FLG: variants seen among roughly 807,000 people sequenced by gnomAD.
FLG encodes the protein epidermal filaggrin.
In FLG, 6 loss-of-function variants were observed where a neutral mutation model predicts 3.8. That is an observed-to-expected ratio of 1.60 (90% CI 0.87 to 3.15). The LOEUF is 3.15. FLG is among the 30% of genes most tolerant of loss of function. FLG has a pLI of 0.00. For missense variants in FLG, 7,595 were observed against 5,050.9 expected, an observed-to-expected ratio of 1.50 and a Z score of -15.27; for synonymous variants, 2,551 against 1,931.6, an observed-to-expected ratio of 1.32 and a Z score of -8.41.
intron 1 of FLG, among the ~76,000 whole-genome samples, chr1:152,318,827 C>T (rs1265444081): frequency 6.6e-6 from 1 of 151,640 alleles, no homozygotes; most frequent in Non-Finnish European, 1.5e-5. Flanking sequence ...AATAAACAAA[C>T]AATAAATTAA....
rs1055893727 is a variant in FLG at position 152,314,658 on chromosome 1, C to T, written c.228G>A (p.Leu76=). ...NKKIDFTEFL[L]MVFKLAQAYY... ...ATGCTTGAGCCAACTTGAATACCAT[C>T]AGAAGAAACTCAGTGAAGTCAATTT... The change falls in exon 3 of 3, where the codon CTG becomes CTA. Residue 76 remains leucine, a synonymous_variant. Transcript: ENST00000368799. 3.7e-6 allele frequency: 6 copies of T among 1,613,952 alleles called. No individual in the cohort carries two copies. The highest frequency in any genetic ancestry group is 1.3e-5 in the African/African-American group (1 of 74,908).
In FLG at chr1:152,311,028, C is replaced by G. The variant is rs367739212; in HGVS notation, c.3858G>C (p.Leu1286Phe). 5.0e-6 allele frequency: 8 copies of G among 1,613,944 alleles called. No homozygotes were observed. The highest frequency in any genetic ancestry group is 6.8e-6 in the Non-Finnish European group (8 of 1,179,992). ...SERHSDDSER[L>F]SGSASRNHHG... The stretch of plus-strand genomic sequence containing the variant: ...GATGGTTTCTGGAAGCAGACCCAGA[C>G]AACCTCTCGGAGTCGTCTGAGTGTC... The change falls in exon 3 of 3, where the codon TTG becomes TTC. Residue 1286 changes from leucine (L) to phenylalanine (F), a missense_variant. Transcript: ENST00000368799.
chr1:152,313,541 T>C lies in FLG; in HGVS notation c.1345A>G (p.Ser449Gly). The change falls in exon 3 of 3, where the codon AGC becomes GGC. Residue 449 changes from serine (S) to glycine (G), a missense_variant. By Grantham distance (56) the Ser-to-Gly change is moderately conservative. Coordinates refer to ENST00000368799, the MANE Select transcript of FLG (RefSeq NM_002016.2). ...GHGKAGLRQQSHQESTRGRSG... is the reference protein window; with the variant it reads ...GHGKAGLRQQGHQESTRGRSG... ...CGGCCACGTGTGGACTCTTGGTGGC[T>C]CTGCTGTCTCAGCCCAGCCTTTCCG... is the stretch of plus-strand genomic sequence containing the variant. 6.2e-7 allele frequency: 1 copy of C among 1,613,760 alleles called. No individual in the cohort carries two copies. Among genetic ancestry groups the C allele is most frequent in the Non-Finnish European group, 8.5e-7 (1 of 1,179,892 alleles).
Position 152,309,047 on chromosome 1 carries a change from A to T in FLG, c.5839T>A (p.Trp1947Arg), listed in dbSNP as rs80059102. 1.2e-6 allele frequency: 2 copies of T among 1,612,890 alleles called. No individual in the cohort carries two copies. The highest frequency in any genetic ancestry group is 8.5e-7 in the Non-Finnish European group (1 of 1,179,762). The part of the protein sequence containing the change: ...SASRNHLGSA[W>R]EQSRDGSRHP... ...CTGGAGCCATCTCTTGACTGCTCCC[A>T]AGCAGATCCAAGATGGTTTCTGGAA... Residue 1947 changes from tryptophan (W) to arginine (R), a missense_variant, in exon 3 of 3, where the codon TGG becomes AGG. Coordinates refer to ENST00000368799, the MANE Select transcript of FLG (RefSeq NM_002016.2).
At position 152,304,293 on chromosome 1, in the gene FLG, T is replaced by G; in HGVS notation, c.10593A>C (p.Thr3531=). The G allele has an allele frequency of 6.2e-7, 1 of 1,612,598 alleles. No individual in the cohort carries two copies. The highest frequency in any genetic ancestry group is 8.5e-7 in the Non-Finnish European group (1 of 1,179,196). ...SGQGQSAGPR[T]SRNQGSSVSQ... ...TAACACTGGATCCCTGGTTCCTGCT[T>G]GTCCTGGGCCCCGCTGATTGTCCCT... Residue 3531 remains threonine, a synonymous_variant, in exon 3 of 3, where the codon ACA becomes ACC. Coordinates refer to ENST00000368799, the MANE Select transcript of FLG (RefSeq NM_002016.2).
Position 152,313,310 on chromosome 1 carries a change from C to T in FLG, c.1576G>A (p.Gly526Arg), listed in dbSNP as rs548412745. ...TGCTCGTGGTGGGATCCCTGCCTTC[C>T]TCCTCTGCTTGACCCCGGGTGTCCA... ...IRGHPGSSRGGRQGSHHEQSV... is the reference protein window; with the variant it reads ...IRGHPGSSRGRRQGSHHEQSV... The change falls in exon 3 of 3, where the codon GGA becomes AGA. Residue 526 changes from glycine to arginine, a missense_variant. Coordinates refer to ENST00000368799, the MANE Select transcript of FLG (RefSeq NM_002016.2). 1.9e-6 allele frequency: 3 copies of T among 1,613,770 alleles called. No individual in the cohort carries two copies. The highest frequency in any genetic ancestry group is 2.7e-5 in the African/African-American group (2 of 74,856).
Position 152,314,668 on chromosome 1 carries a change from T to A in FLG, c.218A>T (p.Glu73Val). ...CAACTTGAATACCATCAGAAGAAAC[T>A]CAGTGAAGTCAATTTTCTTGTTGTG... ...IDHNKKIDFT[E>V]FLLMVFKLAQ... The change falls in exon 3 of 3, where the codon GAG becomes GTG. Residue 73 changes from glutamate to valine, a missense_variant. Physicochemically the swap from Glu to Val is moderately radical, Grantham distance 121. Coordinates refer to ENST00000368799, the MANE Select transcript of FLG (RefSeq NM_002016.2). 1.2e-6 allele frequency: 2 copies of A among 1,614,078 alleles called. No individual in the cohort carries two copies. The highest frequency in any genetic ancestry group is 1.7e-6 in the Non-Finnish European group (2 of 1,179,980).
rs141655789 is a variant in FLG, at chr1:152,304,682, G to A, written c.10204C>T (p.Arg3402Trp). The change falls in exon 3 of 3, where the codon CGG becomes TGG. Residue 3402 changes from arginine (R) to tryptophan (W), a missense_variant. Arg to Trp is a moderately radical substitution (Grantham distance 101, BLOSUM62 -3). Transcript: ENST00000368799. ...CTTCGTCCAGTGCTGGTCCTGGTCC[G>A]CCCATGGGCAGACTCAGACTGTTCA... ...THEQSESAHG[R>W]TRTSTGRRQG... The A allele has an allele frequency of 2.0e-4, 315 of 1,612,190 alleles. 3 individuals carry two copies. The highest frequency in any genetic ancestry group is 7.5e-4 in the African/African-American group (56 of 74,778).
rs374461110 is a variant in FLG at position 152,313,589 on chromosome 1, C to T, written c.1297G>A (p.Asp433Asn). The T allele has an allele frequency of 3.2e-5, 51 of 1,613,834 alleles. No individual in the cohort carries two copies. The highest frequency in any genetic ancestry group is 4.0e-5 in the Non-Finnish European group (47 of 1,179,962). ...SDSEGHSENS[D>N]TQSVSGHGKA... ...CCGTGGCCTGACACTGATTGTGTGTCTGAGTTTTCTGAATGTCCCTCACTG... is the reference window on the plus strand; with the variant it reads ...CCGTGGCCTGACACTGATTGTGTGTTTGAGTTTTCTGAATGTCCCTCACTG... Residue 433 changes from aspartate to asparagine, a missense_variant, in exon 3 of 3, where the codon GAC becomes AAC. Coordinates refer to ENST00000368799, the MANE Select transcript of FLG (RefSeq NM_002016.2).
Position 152,310,723 on chromosome 1 carries a change from C to T in FLG, c.4163G>A (p.Arg1388Gln), listed in dbSNP as rs368725307. The T allele has an allele frequency of 8.2e-5, 133 of 1,614,016 alleles. No individual in the cohort carries two copies. In the East Asian group the frequency reaches 1.4e-3, roughly 17 times the overall value. Residue 1388 changes from arginine (R) to glutamine (Q), a missense_variant, in exon 3 of 3, where the codon CGA (arginine) becomes CAA (glutamine). Arg to Gln is a conservative substitution (Grantham distance 43, BLOSUM62 1). Transcript: ENST00000368799. The part of the protein sequence containing the change: ...ASSAVRDSGH[R>Q]GSSGSQVTNS... The stretch of plus-strand genomic sequence containing the variant: ...AGTGACCTGACTACCACTGGACCCT[C>T]GGTGTCCACTGTCTCTGACTGCAGA...
In FLG at chr1:152,306,262, T is replaced by C; in HGVS notation, c.8624A>G (p.Gln2875Arg). 2 of 1,605,264 alleles carry C rather than the reference T, an allele frequency of 1.2e-6. No individual in the cohort carries two copies. The highest frequency in any genetic ancestry group is 8.5e-7 in the Non-Finnish European group (1 of 1,180,042). The change falls in exon 3 of 3, where the codon CAG becomes CGG. Residue 2875 changes from glutamine (Q) to arginine (R), a missense_variant. By Grantham distance (43) the Gln-to-Arg change is conservative (BLOSUM62 1). Transcript: ENST00000368799. The part of the protein sequence containing the change: ...ADISRHSQAV[Q>R]GQSEGSRRSR... Reference sequence around the variant, plus strand: ...TCTCCTGGACCCCTCTGATTGTCCCTGGACTGCCTGTGAGTGTCTAGAGAT... The same window carrying C: ...TCTCCTGGACCCCTCTGATTGTCCCCGGACTGCCTGTGAGTGTCTAGAGAT...
In FLG at chr1:152,313,513, G is replaced by C. The variant is rs1447548386; in HGVS notation, c.1373C>G (p.Ser458Ter). The change falls in exon 3 of 3, where the codon TCA (serine) becomes TGA (stop). Residue 458 changes from serine to a stop codon, truncating the protein, a stop_gained. Transcript: ENST00000368799. LOFTEE classifies it low-confidence loss of function (END_TRUNC). ...QSHQESTRGRSGERSGRSGSS... is the reference protein window; with the variant it reads ...QSHQESTRGR The stretch of plus-strand genomic sequence containing the variant: ...CCCTGAACGTCCAGACCGTTCCCCT[G>C]ACCGGCCACGTGTGGACTCTTGGTG... The C allele has an allele frequency of 1.2e-6, 2 of 1,613,920 alleles. No homozygotes were observed. Among genetic ancestry groups the C allele is most frequent in the Non-Finnish European group, 1.7e-6 (2 of 1,180,002 alleles).
chr1:152,302,797 G>C lies in FLG; in HGVS notation c.12089C>G (p.Thr4030Arg). 5 of 1,614,050 alleles carry C rather than the reference G, an allele frequency of 3.1e-6. No individual in the cohort carries two copies. Among genetic ancestry groups the C allele is most frequent in the Non-Finnish European group, 3.4e-6 (4 of 1,180,006 alleles). The stretch of plus-strand genomic sequence containing the variant: ...TAAACCTGGGTCCTTATTAATATAC[G>C]TTGCATAATACCTTGGATGATCTTT... ...FGKDHPRYYA[T>R]YINKDPGLCG... The change falls in exon 3 of 3, where the codon ACG becomes AGG. Residue 4030 changes from threonine (T) to arginine (R), a missense_variant. Transcript: ENST00000368799.
intron 1 of FLG, among the ~76,000 whole-genome samples, chr1:152,318,888 G>T (rs1256207189): frequency 6.6e-6 from 1 of 151,796 alleles, no homozygotes; most frequent in African/African-American, 2.4e-5. Context: ...AAATAAGAGT[G>T]CTATTATACA....
chr1:152,304,735 C>T lies in FLG; in HGVS notation c.10151G>A (p.Gly3384Glu), dbSNP rs751667348. ...DRSGGRSGRS[G>E]SFLYQVSTHE... is the part of the protein sequence containing the mutation. ...AGTGCTCACCTGGTAGAGGAAAGAC[C>T]CTGAACGTCCAGACCTTCCCCCTGA... The change falls in exon 3 of 3, where the codon GGG (glycine) becomes GAG (glutamate). Residue 3384 changes from glycine (G) to glutamate (E), a missense_variant. Coordinates refer to ENST00000368799, the MANE Select transcript of FLG (RefSeq NM_002016.2). The T allele has an allele frequency of 1.9e-5, 30 of 1,613,260 alleles. No individual in the cohort carries two copies. Among genetic ancestry groups the T allele is most frequent in the African/African-American group, 2.7e-5 (2 of 74,720 alleles).
rs1385307428 is a variant in FLG, at chr1:152,308,781, T to A, written c.6105A>T (p.Gly2035=). The A allele has an allele frequency of 1.2e-6, 2 of 1,614,164 alleles. No individual in the cohort carries two copies. Among genetic ancestry groups the A allele is most frequent in the South Asian group, 1.1e-5 (1 of 91,076 alleles). The change falls in exon 3 of 3, where the codon GGA becomes GGT. Residue 2035 remains glycine, a synonymous_variant. Transcript: ENST00000368799. Reference sequence around the variant, plus strand: ...CCTGACTACCACTGTACCCTCGGTGTCCACTGTCTCTGACTGCAGATGAAG... The same window carrying A: ...CCTGACTACCACTGTACCCTCGGTGACCACTGTCTCTGACTGCAGATGAAG... ...GQASSAVRDS[G]HRGYSGSQAS...
rs1419082158 is a variant in FLG, at chr1:152,305,333, C to A, written c.9553G>T (p.Ala3185Ser). The A allele has an allele frequency of 5.0e-6, 8 of 1,609,560 alleles. No individual in the cohort carries two copies. The highest frequency in any genetic ancestry group is 6.8e-6 in the Non-Finnish European group (8 of 1,178,930). The change falls in exon 3 of 3, where the codon GCT becomes TCT. Residue 3185 changes from alanine (A) to serine (S), a missense_variant. By Grantham distance (99) the Ala-to-Ser change is moderately conservative. Coordinates refer to ENST00000368799, the MANE Select transcript of FLG (RefSeq NM_002016.2). ...CTAGAGATGTCGGCATGAGTGGAAGCTTCATGGTGACGTGACACTGAGTGC... is the reference window on the plus strand; with the variant it reads ...CTAGAGATGTCGGCATGAGTGGAAGATTCATGGTGACGTGACACTGAGTGC... ...SRHSVSRHHE[A>S]STHADISRHS...
Position 152,303,774 on chromosome 1 carries a change from A to C in FLG, c.11112T>G (p.Ser3704=), listed in dbSNP as rs150535367. Residue 3704 remains serine (S), a synonymous_variant, in exon 3 of 3, where the codon TCT becomes TCG. Coordinates refer to ENST00000368799, the MANE Select transcript of FLG (RefSeq NM_002016.2). ...GGTAGAGGAAAGACCCTGAACGTCC[A>C]GACCTTCCTGCTGACCGGCCACGTG... ...ESTRGRSAGR[S]GRSGSFLYQV... The C allele has an allele frequency of 3.1e-6, 5 of 1,613,472 alleles. No homozygotes were observed. The African/African-American group carries it at 6.7e-5, about 22-fold the overall frequency.
In FLG at chr1:152,312,048, A is replaced by G; in HGVS notation, c.2838T>C (p.Val946=). 2 of 1,614,060 alleles carry G rather than the reference A, an allele frequency of 1.2e-6. No individual in the cohort carries two copies. Among genetic ancestry groups the G allele is most frequent in the Non-Finnish European group, 1.7e-6 (2 of 1,180,002 alleles). Residue 946 remains valine (V), a synonymous_variant, in exon 3 of 3, where the codon GTT becomes GTC. Transcript: ENST00000368799. ...SRTSRRQGSS[V]SQDSDSEGHS... ...GTCCCTCACTGTCACTGTCCTGGCTAACACTGGATCCCTGGCGCCTGCTTG... is the reference window on the plus strand; with the variant it reads ...GTCCCTCACTGTCACTGTCCTGGCTGACACTGGATCCCTGGCGCCTGCTTG...
Sources: allele counts gnomAD v4.1 joint callset (sites outside exome capture counted in the v4.1 genomes callset), GRCh38; gene constraint gnomAD v4.1.1; transcripts MANE v1.5; gene names NCBI Gene and HGNC (gene_info 2026-07-23, HGNC 2026-07-21).